PTTG1: variants seen among roughly 807,000 people sequenced by gnomAD.
PTTG1 encodes the protein PTTG1 regulator of sister chromatid separation, securin.
A neutral mutation model predicts 20.0 loss-of-function variants in PTTG1; 8 were observed. That is an observed-to-expected ratio of 0.40 (90% CI 0.23 to 0.72). The LOEUF (loss-of-function observed/expected upper bound fraction) is 0.72, where lower values mean the gene tolerates loss of function less well. Among genes scored for constraint, PTTG1 ranks in the 30% least tolerant of loss-of-function variants. The pLI, the probability that PTTG1 is intolerant of heterozygous loss-of-function variation, is 0.38. For missense variants in PTTG1, 197 were observed against 236.0 expected (o/e 0.83, Z 1.08); for synonymous variants, 79 against 87.2 (o/e 0.91, Z 0.52).
rs758816856 is a variant in PTTG1 at position 160,422,691 on chromosome 5, G to C, written c.92-18G>C. ...ATTTTGCTGCTGGAATATTCTTATG[G>C]TAAGACTTTTTCTTCAGCAATCAAA... On this transcript the variant is annotated intron_variant, in intron 2 of 5. Coordinates refer to ENST00000352433, the MANE Select transcript of PTTG1 (RefSeq NM_004219.4). 3 of 1,613,216 alleles carry C rather than the reference G, an allele frequency of 1.9e-6. No homozygotes were observed. In the East Asian group the frequency reaches 6.7e-5, roughly 36 times the overall value.
At chr5:160,427,417 A>C (rs1308567955) in intron 4 of PTTG1, among the ~76,000 whole-genome samples, 2 of 152,112 alleles carry the variant, frequency 1.3e-5, no homozygotes, top group East Asian at 3.9e-4. Flanking sequence ...GCATATGGTG[A>C]AGTGACAGTA....
intron 5 of PTTG1, among the ~76,000 whole-genome samples, chr5:160,428,079 A>G (rs1381168676): frequency 3.9e-5 from 6 of 152,350 alleles, no homozygotes; most frequent in East Asian, 1.9e-4. Flanking sequence ...TTATTCTGGA[A>G]ACTGGATAGT....
Position 160,427,710 on chromosome 5 carries a change from A to G in PTTG1, c.371-5A>G. On this transcript the variant is annotated splice_region_variant and splice_polypyrimidine_tract_variant and intron_variant, in intron 4 of 5. Coordinates refer to ENST00000352433, the MANE Select transcript of PTTG1 (RefSeq NM_004219.4). The stretch of plus-strand genomic sequence containing the variant: ...CCTGACAAAAACGCTTTCTCTCTGT[A>G]ACAGACTTTGAGAGTTTTGACCTGC... 6.2e-7 allele frequency: 1 copy of G among 1,613,716 alleles called. No individual in the cohort carries two copies.
rs752646836 is a variant in PTTG1, at chr5:160,422,791, A to C, written c.174A>C (p.Lys58Asn). 25 of 1,614,188 alleles carry C rather than the reference A, an allele frequency of 1.5e-5. 1 individual carries two copies. The South Asian group carries it at 2.7e-4, about 18-fold the overall frequency. The change falls in exon 3 of 6, where the codon AAA becomes AAC. Residue 58 changes from lysine (K) to asparagine (N), a missense_variant. Transcript: ENST00000352433. ...KTFDAPPALP[K>N]ATRKALGTVN... Reference sequence around the variant, plus strand: ...TCGATGCCCCACCAGCCTTACCTAAAGCTACTAGAAAGGCTTTGGGAACTG... The same window carrying C: ...TCGATGCCCCACCAGCCTTACCTAACGCTACTAGAAAGGCTTTGGGAACTG...
At position 160,427,736 on chromosome 5, in the gene PTTG1, C is replaced by T. The variant is rs1280397485; in HGVS notation, c.392C>T (p.Pro131Leu). 3 of 1,613,988 alleles carry T rather than the reference C, an allele frequency of 1.9e-6. No individual in the cohort carries two copies. The highest frequency in any genetic ancestry group is 2.7e-5 in the African/African-American group (2 of 74,920). ...NPLDFESFDL[P>L]EEHQIAHLPL... is the part of the protein sequence containing the mutation. ...ACAGACTTTGAGAGTTTTGACCTGCCTGAAGAGCACCAGATTGCGCACCTC... is the reference window on the plus strand; with the variant it reads ...ACAGACTTTGAGAGTTTTGACCTGCTTGAAGAGCACCAGATTGCGCACCTC... Residue 131 changes from proline to leucine, a missense_variant, in exon 5 of 6, where the codon CCT (proline) becomes CTT (leucine). Pro to Leu is a moderately conservative substitution (Grantham distance 98). Coordinates refer to ENST00000352433, the MANE Select transcript of PTTG1 (RefSeq NM_004219.4).
At chr5:160,425,103 G>T (rs1765782270) in intron 4 of PTTG1, among the ~76,000 whole-genome samples, 1 of 152,214 alleles carries the variant, frequency 6.6e-6, no homozygotes, top group Non-Finnish European at 1.5e-5. Context: ...GGGCCTTACG[G>T]ATTTCTGAGC....
At chr5:160,426,351 C>T (rs962953581) in intron 4 of PTTG1, among the ~76,000 whole-genome samples, 9 of 152,182 alleles carry the variant, frequency 5.9e-5, no homozygotes, top group Non-Finnish European at 2.9e-5. Flanking sequence ...TTCACTCTTA[C>T]ATCTGTTAAA....
chr5:160,428,544 A>G, intron 5 of PTTG1, 58 bp from the exon 6 acceptor site: 1 of 1,435,560 alleles, frequency 7.0e-7, no homozygotes, highest in African/African-American at 1.4e-5. Context: ...GTCTATGTTG[A>G]TATGGACAAT....
chr5:160,422,043 G>C (rs1475000973), intron 1 of PTTG1, 152 bp downstream of exon 1: 4 of 316,562 alleles, frequency 1.3e-5, no homozygotes, highest in African/African-American at 8.7e-5. Context: ...GCGTGGTCTC[G>C]GACTGCTAAC....
At position 160,427,745 on chromosome 5, in the gene PTTG1, A is replaced by G. The variant is rs1261011466; in HGVS notation, c.401A>G (p.His134Arg). 1 of 1,614,042 alleles carries G rather than the reference A, an allele frequency of 6.2e-7. No homozygotes were observed. The highest frequency in any genetic ancestry group is 8.5e-7 in the Non-Finnish European group (1 of 1,180,024). ...GAGAGTTTTGACCTGCCTGAAGAGC[A>G]CCAGATTGCGCACCTCCCCTTGAGT... ...DFESFDLPEEHQIAHLPLSGV... is the reference protein window; with the variant it reads ...DFESFDLPEERQIAHLPLSGV... The change falls in exon 5 of 6, where the codon CAC becomes CGC. Residue 134 changes from histidine (H) to arginine (R), a missense_variant. Coordinates refer to ENST00000352433, the MANE Select transcript of PTTG1 (RefSeq NM_004219.4).
intron 4 of PTTG1, among the ~76,000 whole-genome samples, chr5:160,426,724 T>G (rs1765815175): frequency 6.6e-6 from 1 of 152,020 alleles, no homozygotes; most frequent in Non-Finnish European, 1.5e-5. Flanking sequence ...CCTGTCAAGC[T>G]AATGACTGCA....
chr5:160,428,099 G>A (rs1432118244), intron 5 of PTTG1, among the ~76,000 whole-genome samples: 1 of 152,192 alleles, frequency 6.6e-6, no homozygotes, highest in Admixed American at 6.5e-5. Flanking sequence ...TCTTACTACA[G>A]CCAAAAGATT....
chr5:160,427,260 C>T (rs1430725425), intron 4 of PTTG1, among the ~76,000 whole-genome samples: 1 of 152,152 alleles, frequency 6.6e-6, no homozygotes, highest in Admixed American at 6.5e-5. Flanking sequence ...CTAGTTTTAG[C>T]TTGCAACTCA....
chr5:160,428,710 A>G lies in PTTG1; in HGVS notation c.*29A>G. On this transcript the variant is annotated 3_prime_UTR_variant, in exon 6 of 6. Transcript: ENST00000352433. ...TCTTAGTGCTTCAGAGTTTGTGTGT[A>G]TTTGTATTAATAAAGCATTCTTTAA... The G allele has an allele frequency of 6.4e-7, 1 of 1,569,486 alleles. No homozygotes were observed. Among genetic ancestry groups the G allele is most frequent in the Non-Finnish European group, 8.8e-7 (1 of 1,139,930 alleles).
At chr5:160,424,418 A>G (rs1765772799) in intron 4 of PTTG1, 88 bp downstream of exon 4, 1 of 941,262 alleles carries the variant, frequency 1.1e-6, no homozygotes, top group Non-Finnish European at 1.6e-6. Context: ...AATATAATAT[A>G]TGACCAAAAA....
chr5:160,428,456 C>T, intron 5 of PTTG1, 146 bp from the exon 6 acceptor site: 1 of 699,102 alleles, frequency 1.4e-6, no homozygotes. Flanking sequence ...CAGACACATT[C>T]CAAAAAATGT....
intron 4 of PTTG1, among the ~76,000 whole-genome samples, chr5:160,426,761 TG>T (rs746550689): frequency 1.2e-4 from 18 of 152,152 alleles, no homozygotes. Flanking sequence ...TTCCTTTTTT[TG>T]GCCAGATGCA....
chr5:160,422,538 A>G, intron 2 of PTTG1, 135 bp downstream of exon 2: 1 of 900,042 alleles, frequency 1.1e-6, no homozygotes. Context: ...TATCTTAATG[A>G]GATGATTTAA....
At chr5:160,426,445 A>G (rs1765810637) in intron 4 of PTTG1, among the ~76,000 whole-genome samples, 1 of 152,188 alleles carries the variant, frequency 6.6e-6, no homozygotes, top group Non-Finnish European at 1.5e-5. Flanking sequence ...TTGCCACTAC[A>G]CTAAAACCCA....
Sources: gnomAD v4.1 joint callset for allele counts (sites outside exome capture counted in the v4.1 genomes callset) on GRCh38, gnomAD v4.1.1 for gene constraint, MANE v1.5 for transcripts, NCBI Gene and HGNC (gene_info 2026-07-23, HGNC 2026-07-21) for gene names.